The following LAMC1 variants were observed in gnomAD, a reference collection of about 807,000 sequenced individuals.
LAMC1 encodes laminin subunit gamma 1.
In LAMC1, 38 loss-of-function variants were observed where a neutral mutation model predicts 173.6. That is an observed-to-expected ratio of 0.22 (90% confidence interval 0.17 to 0.29). The LOEUF is 0.29. Among genes scored for constraint, LAMC1 ranks in the 10% least tolerant of loss-of-function variants. The pLI is 1.00. For missense variants in LAMC1, 1,824 were observed against 2,051.8 expected (o/e 0.89, Z 2.14); for synonymous variants, 746 against 749.1 (o/e 1.00, Z 0.07).
chr1:183,082,757 TA>T (rs1403199613), intron 1 of LAMC1, among the ~76,000 whole-genome samples: 1 of 152,230 alleles, frequency 6.6e-6, no homozygotes, highest in African/African-American at 2.4e-5. Context: ...AAAGATGTCT[TA>T]ATTGGGGGTT....
chr1:183,054,273 C>G (rs1398576141), intron 1 of LAMC1, among the ~76,000 whole-genome samples: 2 of 152,172 alleles, frequency 1.3e-5, no homozygotes, highest in African/African-American at 4.8e-5. Flanking sequence ...ATGGAGCACT[C>G]TCCCAGTTTA....
rs1655885537 is a variant in LAMC1 at position 183,103,427 on chromosome 1, T to A, written c.518T>A (p.Ile173Asn). 2.5e-6 allele frequency: 4 copies of A among 1,614,166 alleles called. No homozygotes were observed. The highest frequency in any genetic ancestry group is 2.7e-5 in the African/African-American group (2 of 75,046). The change falls in exon 2 of 28, where the codon ATT (isoleucine) becomes AAT (asparagine). Residue 173 changes from isoleucine to asparagine, a missense_variant. Transcript: ENST00000258341. ...YKRTREDGPW[I>N]PYQYYSGSCE... Reference sequence around the variant, plus strand: ...CGCACACGGGAAGACGGGCCCTGGATTCCTTACCAGTACTACAGTGGTTCC... The same window carrying A: ...CGCACACGGGAAGACGGGCCCTGGAATCCTTACCAGTACTACAGTGGTTCC...
At chr1:183,024,289 T>C (rs1653621889) in intron 1 of LAMC1, among the ~76,000 whole-genome samples, 155 bp downstream of exon 1, 1 of 152,224 alleles carries the variant, frequency 6.6e-6, no homozygotes, top group East Asian at 1.9e-4. Flanking sequence ...TTCTCCAACT[T>C]CTTAAATAGA....
intron 13 of LAMC1, among the ~76,000 whole-genome samples, chr1:183,124,226 G>A: frequency 6.6e-6 from 1 of 152,244 alleles, no homozygotes. Flanking sequence ...ACCCTGTTGT[G>A]TGGGAAACTT....
intron 12 of LAMC1, 29 bp downstream of exon 12, chr1:183,121,973 C>G: frequency 1.9e-6 from 3 of 1,610,148 alleles, no homozygotes; most frequent in Non-Finnish European, 2.5e-6. Context: ...GCTCTTAGAC[C>G]TAACTTCTCT....
intron 1 of LAMC1, among the ~76,000 whole-genome samples, chr1:183,047,528 T>C (rs1008522215): frequency 6.6e-6 from 1 of 152,208 alleles, no homozygotes; most frequent in Non-Finnish European, 1.5e-5. Flanking sequence ...TTTAAAAGAC[T>C]TGGAACAAAG....
chr1:183,134,961 C>A, intron 23 of LAMC1, 81 bp from the exon 24 acceptor site: 4 of 1,369,844 alleles, frequency 2.9e-6, no homozygotes, highest in Non-Finnish European at 4.2e-6. Flanking sequence ...CAGGGTGGCA[C>A]CTCTGGAGAG....
rs1656751500 is a variant in LAMC1, at chr1:183,130,444, T to C, written c.3381T>C (p.Thr1127=). ...LQNIRNTIEE[T]GNLAEQARAH... ...ATATCCGGAATACCATTGAAGAGAC[T>C]GGAAACTTGGCTGAACAAGCGCGTG... The change falls in exon 19 of 28, where the codon ACT becomes ACC. Residue 1127 remains threonine (T), a synonymous_variant. Coordinates refer to ENST00000258341, the MANE Select transcript of LAMC1 (RefSeq NM_002293.4). 5.0e-6 allele frequency: 8 copies of C among 1,614,060 alleles called. No individual in the cohort carries two copies. The highest frequency in any genetic ancestry group is 6.8e-6 in the Non-Finnish European group (8 of 1,180,020).
chr1:183,093,936 T>G (rs925338225), intron 1 of LAMC1, among the ~76,000 whole-genome samples: 1 of 152,238 alleles, frequency 6.6e-6, no homozygotes, highest in African/African-American at 2.4e-5. Context: ...TTCTGTAGTC[T>G]TTGGTCAGTA....
chr1:183,114,803 G>T, intron 5 of LAMC1, 84 bp downstream of exon 5: 2 of 1,337,612 alleles, frequency 1.5e-6, no homozygotes, highest in Non-Finnish European at 2.1e-6. Context: ...CAAGGCATTT[G>T]GACAACTAAA....
chr1:183,071,708 C>T (rs939084458), intron 1 of LAMC1, among the ~76,000 whole-genome samples: 7 of 152,152 alleles, frequency 4.6e-5, no homozygotes, highest in African/African-American at 1.7e-4. Context: ...GTATTTTCCC[C>T]ATTTCTGTCC....
At chr1:183,139,062 A>G (rs1225922183) in intron 26 of LAMC1, among the ~76,000 whole-genome samples, 1 of 152,140 alleles carries the variant, frequency 6.6e-6, no homozygotes, top group Non-Finnish European at 1.5e-5. Flanking sequence ...AAAAATTCCC[A>G]TAAAAAAAAT....
intron 1 of LAMC1, among the ~76,000 whole-genome samples, chr1:183,041,159 G>A (rs1327459953): frequency 6.6e-6 from 1 of 152,182 alleles, no homozygotes; most frequent in South Asian, 2.1e-4. Context: ...AGCAAGTGGG[G>A]TGATGCAAAT....
intron 1 of LAMC1, among the ~76,000 whole-genome samples, chr1:183,079,205 T>C (rs558017670): frequency 1.4e-5 from 2 of 147,622 alleles, no homozygotes; most frequent in African/African-American, 4.9e-5. Context: ...TCTCTGCTTA[T>C]CAAGCAACTT....
intron 19 of LAMC1, 124 bp downstream of exon 19, chr1:183,130,673 T>A: frequency 1.4e-6 from 1 of 732,616 alleles, no homozygotes; most frequent in Non-Finnish European, 2.3e-6. Context: ...TATTTGTCCC[T>A]AAATATGGGG....
At chr1:183,114,407 CATTCTT>C (rs1271030424) in intron 4 of LAMC1, 118 bp from the exon 5 acceptor site, 2 of 964,150 alleles carry the variant, frequency 2.1e-6, no homozygotes, top group Non-Finnish European at 3.3e-6. Flanking sequence ...ATCTGGTAAT[CATTCTT>C]AGTCTACCAC....
chr1:183,090,238 GA>G (rs925895171), intron 1 of LAMC1, among the ~76,000 whole-genome samples: 17 of 146,458 alleles, frequency 1.2e-4, no homozygotes, highest in African/African-American at 3.3e-4. Flanking sequence ...ACAGTCATTA[GA>G]AAAAAAAAAG....
chr1:183,050,281 C>CTTTTTTTTTTTTT (rs892649686), intron 1 of LAMC1, among the ~76,000 whole-genome samples: 1 of 115,538 alleles, frequency 8.7e-6, no homozygotes, highest in East Asian at 2.5e-4. Context: ...TTCTCAGATT[C>CTTTTTTTTTTTTT]TTTTTTTTTT....
intron 1 of LAMC1, among the ~76,000 whole-genome samples, chr1:183,071,554 A>G (rs1464672318): frequency 9.1e-6 from 1 of 109,532 alleles, no homozygotes; most frequent in Admixed American, 1.1e-4. Flanking sequence ...GTTTGTGGTC[A>G]TTTGGGACAT....
Sources: allele counts gnomAD v4.1 joint callset (sites outside exome capture counted in the v4.1 genomes callset), GRCh38; gene constraint gnomAD v4.1.1; transcripts MANE v1.5; gene names NCBI Gene and HGNC (gene_info 2026-07-23, HGNC 2026-07-21).